ATRNL1: variants seen among roughly 807,000 people sequenced by gnomAD.
The protein encoded by ATRNL1 is attractin-like protein 1.
Under a neutral mutation model 182.7 loss-of-function variants are expected in ATRNL1, and 95 were observed. The observed-to-expected ratio is 0.52, with a 90% CI of 0.44 to 0.62. ATRNL1 has a LOEUF of 0.62. Ranked by LOEUF, ATRNL1 falls within the 20% of genes least tolerant of loss-of-function variation. The pLI is 0.00. For missense variants in ATRNL1, 1,471 were observed against 1,679.5 expected, an observed-to-expected ratio of 0.88 and a Z score of 2.17; for synonymous variants, 576 against 568.3, an observed-to-expected ratio of 1.01 and a Z score of -0.19.
intron 8 of ATRNL1, among the ~76,000 whole-genome samples, chr10:115,176,649 C>T (rs181336286): frequency 2.0e-4 from 31 of 151,990 alleles, no homozygotes; most frequent in Admixed American, 5.2e-4. Context: ...TGCCATCAAC[C>T]GACATGTAGT....
At chr10:115,326,105 A>G (rs1319776102) in intron 18 of ATRNL1, among the ~76,000 whole-genome samples, 1 of 152,202 alleles carries the variant, frequency 6.6e-6, no homozygotes, top group Admixed American at 6.5e-5. Context: ...AGGAGAAGGA[A>G]ATAAACGGTG....
chr10:115,921,160 C>G (rs1223066585), intron 28 of ATRNL1, among the ~76,000 whole-genome samples: 2 of 151,964 alleles, frequency 1.3e-5, no homozygotes, highest in African/African-American at 4.8e-5. Flanking sequence ...ATTATTTAAT[C>G]AAAAATGTCA....
intron 26 of ATRNL1, among the ~76,000 whole-genome samples, chr10:115,584,472 T>C (rs1201456065): frequency 1.4e-5 from 2 of 141,430 alleles, no homozygotes; most frequent in African/African-American, 5.0e-5. Context: ...CTTGGTTTAG[T>C]CTTGGGAGAG....
At chr10:115,683,062 G>A (rs2052067) in intron 26 of ATRNL1, among the ~76,000 whole-genome samples, 56,634 of 151,580 alleles carry the variant, frequency 0.37, 11,441 homozygotes, top group East Asian at 0.59. Flanking sequence ...GTACATATTA[G>A]CATTACTAAA....
chr10:115,584,703 C>T (rs527510407), intron 26 of ATRNL1, among the ~76,000 whole-genome samples: 73 of 152,018 alleles, frequency 4.8e-4, no homozygotes, highest in African/African-American at 1.6e-3. Flanking sequence ...AAAACCAGCT[C>T]CTGGATTCAT....
In ATRNL1 at chr10:115,505,987, G is replaced by C. The variant is rs76593930; in HGVS notation, c.3655-13276G>C. Among the ~76,000 whole-genome samples the C allele has an allele frequency of 7.9e-3, 1,200 of 151,854 alleles. 12 individuals are homozygous for C. The highest frequency in any genetic ancestry group is 0.026 in the African/African-American group (1,090 of 41,464). ...AAAAAAAGAAGGCAGAACCTTAGCT[G>C]TTGAACTCCAGCATGGGTGGACAGC... On this transcript the variant is annotated intron_variant, in intron 24 of 28. Transcript: ENST00000355044.
chr10:115,394,875 C>A, intron 20 of ATRNL1, 123 bp downstream of exon 20: 3 of 744,896 alleles, frequency 4.0e-6, no homozygotes, highest in Non-Finnish European at 6.4e-6. Context: ...CAATTTTTAA[C>A]TTTTATTTTA....
At chr10:115,499,501 C>T (rs1292446960) in intron 24 of ATRNL1, among the ~76,000 whole-genome samples, 1 of 152,156 alleles carries the variant, frequency 6.6e-6, no homozygotes, top group Non-Finnish European at 1.5e-5. Context: ...GACACAGCCT[C>T]AGAAGGTTTT....
intron 20 of ATRNL1, among the ~76,000 whole-genome samples, chr10:115,416,029 G>T (rs1009268157): frequency 6.6e-6 from 1 of 151,830 alleles, no homozygotes; most frequent in Non-Finnish European, 1.5e-5. Flanking sequence ...AATTATTCTT[G>T]TATGTTTACT....
intron 27 of ATRNL1, among the ~76,000 whole-genome samples, chr10:115,828,031 C>A (rs561748326): frequency 3.3e-4 from 50 of 152,160 alleles, no homozygotes; most frequent in African/African-American, 1.2e-3. Context: ...AAACACCAAG[C>A]CTGAAGCCGG....
rs111536304 is a variant in ATRNL1, at chr10:115,702,480, G to A, written c.3796-24768G>A. On this transcript the variant is annotated intron_variant, in intron 26 of 28. Coordinates refer to ENST00000355044, the MANE Select transcript of ATRNL1 (RefSeq NM_207303.4). ...GTAAAAGAATAAGTCAAATTATCTCGCTTTGCTGATGATATAATTCTATAC... is the reference window on the plus strand; with the variant it reads ...GTAAAAGAATAAGTCAAATTATCTCACTTTGCTGATGATATAATTCTATAC... Among the ~76,000 whole-genome samples, 610 of 151,846 alleles carry A rather than the reference G, an allele frequency of 4.0e-3. 1 individual carries two copies. Among genetic ancestry groups the A allele is most frequent in the African/African-American group, 0.014 (571 of 41,520 alleles).
intron 24 of ATRNL1, among the ~76,000 whole-genome samples, chr10:115,480,009 T>A (rs12247872): frequency 0.014 from 2,124 of 151,458 alleles, 44 homozygotes; most frequent in African/African-American, 0.048. Flanking sequence ...TAATTTAGAT[T>A]AGATTTTTTA....
At chr10:115,222,866 A>G (rs1320695587) in intron 9 of ATRNL1, among the ~76,000 whole-genome samples, 2 of 152,246 alleles carry the variant, frequency 1.3e-5, no homozygotes, top group African/African-American at 4.8e-5. Flanking sequence ...AATTATAGAG[A>G]TGATTCTAAA....
chr10:115,434,939 A>C (rs150080824), intron 21 of ATRNL1, among the ~76,000 whole-genome samples: 60 of 152,208 alleles, frequency 3.9e-4, no homozygotes, highest in African/African-American at 1.1e-3. Context: ...ATAATTTGGG[A>C]ATTTATATGG....
rs150594563 is a variant in ATRNL1, at chr10:115,218,215, C to T, written c.1532+2335C>T. ...TGGGGGTGATGGGAGACAGTGACAC[C>T]GAAAGTGTTTTGCCTATGTTCAGTC... is the stretch of plus-strand genomic sequence containing the variant. On this transcript the variant is annotated intron_variant, in intron 9 of 28. Transcript: ENST00000355044. Among the ~76,000 whole-genome samples the T allele has an allele frequency of 4.6e-5, 7 of 151,456 alleles. No homozygotes were observed. In the East Asian group the frequency reaches 1.2e-3, roughly 25 times the overall value.
intron 19 of ATRNL1, among the ~76,000 whole-genome samples, chr10:115,341,388 G>T (rs556806693): frequency 6.6e-6 from 1 of 151,856 alleles, no homozygotes; most frequent in East Asian, 1.9e-4. Context: ...TATTATTTCA[G>T]TTTTTTTCAA....
intron 21 of ATRNL1, among the ~76,000 whole-genome samples, chr10:115,433,787 C>T (rs1319728788): frequency 6.6e-6 from 1 of 152,036 alleles, no homozygotes; most frequent in Non-Finnish European, 1.5e-5. Context: ...ATTTATTTGA[C>T]TTATATATTT....
chr10:115,274,539 T>C (rs1197306898), intron 13 of ATRNL1, among the ~76,000 whole-genome samples: 4 of 152,216 alleles, frequency 2.6e-5, no homozygotes, highest in Admixed American at 2.6e-4. Context: ...TGACACCAAA[T>C]ATCTTGCCAG....
At chr10:115,646,204 G>C (rs890347973) in intron 26 of ATRNL1, among the ~76,000 whole-genome samples, 2 of 151,854 alleles carry the variant, frequency 1.3e-5, no homozygotes, top group Non-Finnish European at 2.9e-5. Flanking sequence ...TCTAATATTC[G>C]TTTAAAACTG....
Sources: allele counts gnomAD v4.1 joint callset (sites outside exome capture counted in the v4.1 genomes callset), GRCh38; gene constraint gnomAD v4.1.1; transcripts MANE v1.5; gene names NCBI Gene and HGNC (gene_info 2026-07-23, HGNC 2026-07-21).